The following NUDC variants were observed in gnomAD, a reference collection of about 807,000 sequenced individuals.
NUDC encodes the protein nuclear migration protein nudC.
Under a neutral mutation model 45.0 loss-of-function variants are expected in NUDC, and 14 were observed. That is an observed-to-expected ratio of 0.31 (90% CI 0.21 to 0.49). The LOEUF is 0.49. NUDC is among the 20% of genes least tolerant of loss of function. NUDC has a pLI of 0.99. For missense variants in NUDC, 323 were observed against 426.2 expected (o/e 0.76, Z 2.13); for synonymous variants, 153 against 156.7 (o/e 0.98, Z 0.17).
intron 2 of NUDC, among the ~76,000 whole-genome samples, chr1:26,927,465 T>A (rs1204117506): frequency 6.6e-6 from 1 of 150,684 alleles, no homozygotes; most frequent in Non-Finnish European, 1.5e-5. Flanking sequence ...TGGAGCGATC[T>A]CAGCTCACTG....
At chr1:26,925,233 A>G (rs1188429076) in intron 2 of NUDC, among the ~76,000 whole-genome samples, 1 of 150,774 alleles carries the variant, frequency 6.6e-6, no homozygotes, top group Non-Finnish European at 1.5e-5. Flanking sequence ...AATATTAGAA[A>G]CTGATGCTTA....
chr1:26,908,392 T>C (rs372455135), intron 2 of NUDC, among the ~76,000 whole-genome samples: 2 of 152,180 alleles, frequency 1.3e-5, no homozygotes, highest in South Asian at 2.1e-4. Context: ...ACCGTAATTA[T>C]CTCTTTAGTT....
At chr1:26,935,979 T>C (rs1223299011) in intron 2 of NUDC, among the ~76,000 whole-genome samples, 2 of 148,060 alleles carry the variant, frequency 1.4e-5, no homozygotes, top group Non-Finnish European at 3.0e-5. Flanking sequence ...AAAAAATGTT[T>C]TGTTTTTTTT....
At position 26,921,792 on chromosome 1, in the gene NUDC, C is replaced by G. The variant is rs11538549; in HGVS notation, c.-57C>G. 0.069 allele frequency: 104,949 copies of G among 1,517,982 alleles called. 4,049 individuals are homozygous for G. Among genetic ancestry groups the G allele is most frequent in the Non-Finnish European group, 0.079 (88,661 of 1,119,028 alleles). 94.0% of individuals were successfully genotyped at this position (1,517,982 alleles called of 1,614,324 possible). A position where few individuals can be genotyped will look rare whatever the true frequency, so the allele number is the denominator to read the frequency against. ...TTGGGCCCGGCGCGACCCGCAGGAGCGTAGAGAGCGCGGGACTAGAGTGCA... is the reference window on the plus strand; with the variant it reads ...TTGGGCCCGGCGCGACCCGCAGGAGGGTAGAGAGCGCGGGACTAGAGTGCA... On this transcript the variant is annotated 5_prime_UTR_variant, in exon 1 of 9. Coordinates refer to ENST00000321265, the MANE Select transcript of NUDC (RefSeq NM_006600.4).
intron 2 of NUDC, among the ~76,000 whole-genome samples, chr1:26,927,231 G>A (rs941176300): frequency 7.5e-6 from 1 of 132,534 alleles, no homozygotes; most frequent in Non-Finnish European, 1.6e-5. Flanking sequence ...CCCAGCTGGA[G>A]CACAGTGGCT....
At chr1:26,946,098 T>C in intron 8 of NUDC, 32 bp from the exon 9 acceptor site, 1 of 1,601,282 alleles carries the variant, frequency 6.2e-7, no homozygotes, top group Non-Finnish European at 8.5e-7. Context: ...AAGAGAAGGA[T>C]GAGCTGTTTC....
upstream of NUDC, among the ~76,000 whole-genome samples, chr1:26,919,733 C>T (rs1006562099): frequency 6.6e-6 from 1 of 152,206 alleles, no homozygotes; most frequent in Non-Finnish European, 1.5e-5. Context: ...TCAACTTCAC[C>T]TTAGCTGGAT....
intron 2 of NUDC, among the ~76,000 whole-genome samples, chr1:26,904,983 T>G (rs1422944480): frequency 1.4e-5 from 2 of 145,078 alleles, no homozygotes; most frequent in African/African-American, 5.1e-5. Flanking sequence ...ATTACAGGCA[T>G]GCGCCACCAC....
At chr1:26,926,966 T>G (rs139305198) in intron 2 of NUDC, among the ~76,000 whole-genome samples, 3 of 152,302 alleles carry the variant, frequency 2.0e-5, no homozygotes, top group African/African-American at 7.2e-5. Context: ...ATATCAAACC[T>G]TTTGGGATTG....
intron 2 of NUDC, among the ~76,000 whole-genome samples, chr1:26,934,606 G>A (rs968034204): frequency 2.6e-5 from 4 of 151,578 alleles, no homozygotes; most frequent in South Asian, 2.1e-4. Context: ...GTATTACTTC[G>A]TTCTCATGCT....
chr1:26,906,993 T>G (rs2082005553), intron 2 of NUDC, among the ~76,000 whole-genome samples: 1 of 152,194 alleles, frequency 6.6e-6, no homozygotes, highest in Non-Finnish European at 1.5e-5. Flanking sequence ...TTGTTAACTC[T>G]GACTCCCCTG....
At chr1:26,916,661 T>C (rs1233308357) in intron 3 of NUDC, among the ~76,000 whole-genome samples, 3 of 151,988 alleles carry the variant, frequency 2.0e-5, no homozygotes, top group Admixed American at 6.6e-5. Flanking sequence ...AGAATCATAC[T>C]AAAAAACCAA....
chr1:26,942,518 C>T, intron 4 of NUDC, 142 bp from the exon 5 acceptor site: 1 of 1,217,630 alleles, frequency 8.2e-7, no homozygotes, highest in Non-Finnish European at 1.2e-6. Context: ...TGGGGGTCTG[C>T]CCCTCTGTGG....
At chr1:26,900,249 G>A (rs2081969622) in exon 1 of NUDC, 2 of 1,614,170 alleles carry the variant, frequency 1.2e-6, no homozygotes, top group Non-Finnish European at 8.5e-7. Flanking sequence ...AGGAATTAGG[G>A]CAGAGTTAGG....
At chr1:26,925,860 T>C (rs2082127852) in intron 2 of NUDC, among the ~76,000 whole-genome samples, 1 of 151,800 alleles carries the variant, frequency 6.6e-6, no homozygotes, top group Non-Finnish European at 1.5e-5. Flanking sequence ...TAGCTGGGAT[T>C]ACAGGCATGC....
chr1:26,936,726 T>G (rs1557678644), intron 2 of NUDC, among the ~76,000 whole-genome samples: 2 of 152,216 alleles, frequency 1.3e-5, no homozygotes, highest in Non-Finnish European at 2.9e-5. Context: ...AAGGGTCGTT[T>G]GTCCTGGCAA....
In NUDC at chr1:26,946,764, A is replaced by AT. The variant is rs2082320209; in HGVS notation, c.*584dup. 1 of 162,308 alleles carries AT rather than the reference A, an allele frequency of 6.2e-6. No individual in the cohort carries two copies. Among genetic ancestry groups the AT allele is most frequent in the African/African-American group, 2.4e-5 (1 of 41,512 alleles). 10.1% of individuals were successfully genotyped at this position (162,308 alleles called of 1,614,324 possible). On this transcript the variant is annotated 3_prime_UTR_variant, in exon 9 of 9. Transcript: ENST00000321265. ...CTACTCGGGAGGCTGAGGCAGGAGA[A>AT]TCGCTTGAACCCGGGTGGCGGAGGT...
intron 2 of NUDC, among the ~76,000 whole-genome samples, chr1:26,934,803 A>AC (rs1011929224): frequency 2.2e-4 from 33 of 148,764 alleles, no homozygotes; most frequent in Admixed American, 2.1e-3. Context: ...GACTACAGGC[A>AC]CCCCCCACCA....
intron 2 of NUDC, among the ~76,000 whole-genome samples, chr1:26,936,173 T>A (rs1290158529): frequency 0.058 from 541 of 9,374 alleles, no homozygotes; most frequent in African/African-American, 0.065. Context: ...ATATTTTTTT[T>A]TTTTTTTTTT....
Sources: allele counts gnomAD v4.1 joint callset (sites outside exome capture counted in the v4.1 genomes callset), GRCh38; gene constraint gnomAD v4.1.1; transcripts MANE v1.5; gene names NCBI Gene and HGNC (gene_info 2026-07-23, HGNC 2026-07-21).